LHX9: variants seen among roughly 807,000 people sequenced by gnomAD.
The protein encoded by LHX9 is LIM homeobox 9, also known as LIM/homeobox protein Lhx9.
LHX9 carries 9 observed loss-of-function variants against 36.5 expected under a neutral mutation model. The observed-to-expected ratio is 0.25, with a 90% CI of 0.15 to 0.43. The LOEUF (loss-of-function observed/expected upper bound fraction) is 0.43. Among genes scored for constraint, LHX9 ranks in the 20% least tolerant of loss-of-function variants. The pLI is 1.00. For synonymous variants in LHX9, 211 were observed against 212.1 expected (o/e 0.99, Z 0.04); for missense variants, 464 against 526.4 (o/e 0.88, Z 1.16).
In LHX9 at chr1:197,934,609, C is replaced by T. The variant is rs1019865710; in HGVS notation, c.*5350C>T. ...CACAGTAGGACTTAGTCCAAATTGA[C>T]GAAATATCATTGAATTTTCTTTGAA... On this transcript the variant is annotated 3_prime_UTR_variant, in exon 5 of 5. Coordinates refer to ENST00000367387, the MANE Select transcript of LHX9 (RefSeq NM_020204.3). The T allele has an allele frequency of 7.9e-5, 12 of 152,020 alleles. No individual in the cohort carries two copies. Among genetic ancestry groups the T allele is most frequent in the Admixed American group, 2.6e-4 (4 of 15,252 alleles). The allele number at this position is 152,020 out of a possible 1,614,324, so 9.4% of individuals were successfully genotyped here. A position where few individuals can be genotyped will look rare whatever the true frequency, so the allele number is the denominator to read the frequency against.
At chr1:197,918,437 G>T in intron 1 of LHX9, 2 of 715,016 alleles carry the variant, frequency 2.8e-6, no homozygotes, top group South Asian at 3.0e-5. Context: ...CTCTGGGCCT[G>T]ATGACCGGAC....
At chr1:197,919,131 A>G (rs1472963851) in intron 1 of LHX9, among the ~76,000 whole-genome samples, 1 of 152,196 alleles carries the variant, frequency 6.6e-6, no homozygotes, top group Non-Finnish European at 1.5e-5. Context: ...TCTGGTCATC[A>G]CTTTTAAAAA....
At chr1:197,912,797 C>T, upstream of LHX9, 1 of 568,894 alleles carries the variant, frequency 1.8e-6, no homozygotes, top group South Asian at 2.1e-5. Context: ...CTTTGACTTT[C>T]CTCAGGATCA....
rs1197013542 is a variant in LHX9, at chr1:197,917,426, G to C, written c.-398G>C. On this transcript the variant is annotated 5_prime_UTR_variant, in exon 1 of 5. Transcript: ENST00000367387. ...AACTTGCAAGCAGCCAGGGAACGCTGAAAATAGCACGTCTTTTTCTTTCTT... is the reference window on the plus strand; with the variant it reads ...AACTTGCAAGCAGCCAGGGAACGCTCAAAATAGCACGTCTTTTTCTTTCTT... 1 of 1,311,776 alleles carries C rather than the reference G, an allele frequency of 7.6e-7. No homozygotes were observed. Among genetic ancestry groups the C allele is most frequent in the Non-Finnish European group, 1.0e-6 (1 of 994,148 alleles). The allele number at this position is 1,311,776 out of a possible 1,614,324, so 81.3% of individuals were successfully genotyped here. A position where few individuals can be genotyped will look rare whatever the true frequency, so the allele number is the denominator to read the frequency against.
In LHX9 at chr1:197,929,144, C is replaced by T; in HGVS notation, c.1079C>T (p.Thr360Ile). ...GCTCTCACTCCACCCGGCACTGCGA[C>T]CACTTTAACAGACCTGACCAATCCC... ...SGALTPPGTATTLTDLTNPTI... is the reference protein window; with the variant it reads ...SGALTPPGTAITLTDLTNPTI... The change falls in exon 5 of 5, where the codon ACC becomes ATC. Residue 360 changes from threonine (T) to isoleucine (I), a missense_variant. Coordinates refer to ENST00000367387, the MANE Select transcript of LHX9 (RefSeq NM_020204.3). The T allele has an allele frequency of 6.2e-7, 1 of 1,613,570 alleles. No homozygotes were observed. Among genetic ancestry groups the T allele is most frequent in the East Asian group, 2.2e-5 (1 of 44,838 alleles).
intron 1 of LHX9, chr1:197,918,458 G>A (rs1659851428): frequency 1.4e-6 from 1 of 701,906 alleles, no homozygotes; most frequent in East Asian, 2.7e-5. Context: ...CTGTGGAGTA[G>A]ATTCCGACGC....
chr1:197,921,752 T>G lies in LHX9; in HGVS notation c.733+93T>G. On this transcript the variant is annotated intron_variant, in intron 3 of 4. Coordinates refer to ENST00000367387, the MANE Select transcript of LHX9 (RefSeq NM_020204.3). This position sits in a 1 kb window ranked among gnomAD's most constrained non-coding sequence, Gnocchi z 4.6. Reference sequence around the variant, plus strand: ...CCCGTCCAAAGTCTTGCTGCAAGAGTGTGTTTTGCCCAATGCCTCTGTTCT... The same window carrying G: ...CCCGTCCAAAGTCTTGCTGCAAGAGGGTGTTTTGCCCAATGCCTCTGTTCT... 1.8e-6 allele frequency: 2 copies of G among 1,100,400 alleles called. No individual in the cohort carries two copies. Among genetic ancestry groups the G allele is most frequent in the Non-Finnish European group, 2.5e-6 (2 of 787,714 alleles). 68.2% of individuals were successfully genotyped at this position (1,100,400 alleles called of 1,614,324 possible). A position where few individuals can be genotyped will look rare whatever the true frequency, so the allele number is the denominator to read the frequency against.
rs1236336057 is a variant in LHX9, at chr1:197,930,582, A to G, written c.*1323A>G. The G allele has an allele frequency of 6.6e-6, 1 of 152,054 alleles. No homozygotes were observed. The highest frequency in any genetic ancestry group is 1.5e-5 in the Non-Finnish European group (1 of 67,900). 9.4% of individuals were successfully genotyped at this position (152,054 alleles called of 1,614,324 possible). On this transcript the variant is annotated 3_prime_UTR_variant, in exon 5 of 5. Transcript: ENST00000367387. ...TGGATTGTTAAGAATAACTTTGCAC[A>G]TATTTTCCACTTTTTGGACCCCTTA...
chr1:197,914,556 C>A (rs1029600489), upstream of LHX9, among the ~76,000 whole-genome samples: 1 of 152,122 alleles, frequency 6.6e-6, no homozygotes, highest in Non-Finnish European at 1.5e-5. Context: ...TTCTTGGGGG[C>A]TCCAAGACAA....
At chr1:197,928,906 G>T in intron 4 of LHX9, 96 bp from the exon 5 acceptor site, 13 of 814,354 alleles carry the variant, frequency 1.6e-5, no homozygotes, top group Non-Finnish European at 1.8e-5. Flanking sequence ...AAAAAAAAAA[G>T]AAAGAAAGAA....
At chr1:197,927,442 T>C in intron 3 of LHX9, 149 bp from the exon 4 acceptor site, 2 of 702,654 alleles carry the variant, frequency 2.8e-6, no homozygotes, top group Non-Finnish European at 2.5e-6. Context: ...ATTATCTTCT[T>C]TCTTTTTGTC....
upstream of LHX9, chr1:197,912,608 G>A (rs961789084): frequency 1.9e-6 from 3 of 1,576,486 alleles, no homozygotes; most frequent in Non-Finnish European, 2.6e-6. Context: ...CCTTGGGCCA[G>A]TGCGTATACC....
At chr1:197,928,791 C>T (rs1354401077) in intron 4 of LHX9, among the ~76,000 whole-genome samples, 1 of 145,666 alleles carries the variant, frequency 6.9e-6, no homozygotes, top group Non-Finnish European at 1.5e-5. Context: ...GATAATAAAT[C>T]TGTAGTGTTA....
At chr1:197,916,687 G>A, upstream of LHX9, 1 of 702,854 alleles carries the variant, frequency 1.4e-6, no homozygotes. Context: ...AAATGCAGAC[G>A]CTCCAAACGC....
Position 197,921,591 on chromosome 1 carries a change from T to C in LHX9, c.665T>C (p.Val222Ala). 1 of 1,609,994 alleles carries C rather than the reference T, an allele frequency of 6.2e-7. No homozygotes were observed. The highest frequency in any genetic ancestry group is 1.1e-5 in the South Asian group (1 of 91,062). The change falls in exon 3 of 5, where the codon GTG (valine) becomes GCG (alanine). Residue 222 changes from valine (V) to alanine (A), a missense_variant. This residue lies in a region of LHX9 where 130 missense variants were observed against 109.6 expected (regional missense o/e 1.19). Transcript: ENST00000367387. This position sits in a 1 kb window ranked among gnomAD's most constrained non-coding sequence, Gnocchi z 4.6. ...CCTTACTTCAACGGTACGGGCACCG[T>C]GCAGAAAGGGCGGCCCCGGAAGCGG... ...ALPYFNGTGT[V>A]QKGRPRKRKS...
At chr1:197,916,780 G>A (rs368094794), upstream of LHX9, 22 of 702,876 alleles carry the variant, frequency 3.1e-5, no homozygotes, top group African/African-American at 1.6e-4. Flanking sequence ...TTGTCAGACA[G>A]CTGCTTTTAA....
At chr1:197,912,809 T>C, upstream of LHX9, 1 of 547,336 alleles carries the variant, frequency 1.8e-6, no homozygotes. Context: ...TCAGGATCAG[T>C]GTCCGGGGCG....
At chr1:197,922,483 T>C (rs1213987339) in intron 3 of LHX9, among the ~76,000 whole-genome samples, 2 of 152,214 alleles carry the variant, frequency 1.3e-5, no homozygotes, top group African/African-American at 4.8e-5. Flanking sequence ...ATCTCTCACA[T>C]GCAGCAGTTT....
chr1:197,918,577 C>T, intron 1 of LHX9: 1 of 572,576 alleles, frequency 1.7e-6, no homozygotes, highest in Non-Finnish European at 3.1e-6. Context: ...GACAGCACTA[C>T]GTTTAGCGCC....
Sources: gnomAD v4.1 joint callset for allele counts (sites outside exome capture counted in the v4.1 genomes callset) on GRCh38, gnomAD v4.1.1 for gene constraint, gnomAD v4.1.1 regional missense constraint, Gnocchi (gnomAD v3.1) non-coding constraint, MANE v1.5 for transcripts, NCBI Gene and HGNC (gene_info 2026-07-23, HGNC 2026-07-21) for gene names.